EHBP1: variants seen among roughly 807,000 people sequenced by gnomAD.
The protein encoded by EHBP1 is EH domain binding protein 1.
Under a neutral mutation model 144.0 loss-of-function variants are expected in EHBP1, and 55 were observed. The observed-to-expected ratio is 0.38, with a 90% CI of 0.31 to 0.48. EHBP1 has a LOEUF of 0.48. EHBP1 is among the 20% of genes least tolerant of loss of function. EHBP1 has a pLI of 0.98. For missense variants in EHBP1, 1,200 were observed against 1,364.2 expected (o/e 0.88, Z 1.90); for synonymous variants, 469 against 472.7 (o/e 0.99, Z 0.10).
intron 19 of EHBP1, among the ~76,000 whole-genome samples, chr2:63,004,237 T>C (rs1000541078): frequency 6.6e-6 from 1 of 151,994 alleles, no homozygotes; most frequent in Non-Finnish European, 1.5e-5. Flanking sequence ...TTGGTAACAG[T>C]TCAGTTCACA....
chr2:62,765,560 A>T (rs2041112801), intron 4 of EHBP1, among the ~76,000 whole-genome samples: 1 of 152,168 alleles, frequency 6.6e-6, no homozygotes, highest in Non-Finnish European at 1.5e-5. Context: ...ACAGCAACAT[A>T]GCTTAAACAC....
chr2:62,940,216 G>A (rs2056662259), intron 10 of EHBP1: 1 of 320,904 alleles, frequency 3.1e-6, no homozygotes, highest in Non-Finnish European at 6.2e-6. Context: ...GTCCTTCTGA[G>A]ATTGTTAAAT....
At chr2:62,821,973 T>C (rs758299447) in intron 5 of EHBP1, among the ~76,000 whole-genome samples, 1 of 152,202 alleles carries the variant, frequency 6.6e-6, no homozygotes, top group Non-Finnish European at 1.5e-5. Context: ...ATCCTTTGTG[T>C]TACAAACAAT....
intron 19 of EHBP1, among the ~76,000 whole-genome samples, chr2:63,003,032 AC>A (rs2059908968): frequency 6.6e-6 from 1 of 152,034 alleles, no homozygotes; most frequent in Admixed American, 6.6e-5. Flanking sequence ...TATTATAATT[AC>A]GAATTTGGTC....
chr2:62,756,598 C>T (rs1382423844), intron 3 of EHBP1, among the ~76,000 whole-genome samples: 1 of 151,954 alleles, frequency 6.6e-6, no homozygotes, highest in Admixed American at 6.6e-5. Flanking sequence ...GGTGAAACCT[C>T]ATCTCTACTA....
chr2:62,763,409 T>A (rs1006174257), intron 3 of EHBP1, among the ~76,000 whole-genome samples: 2 of 152,206 alleles, frequency 1.3e-5, no homozygotes, highest in African/African-American at 4.8e-5. Context: ...AATGAATGAA[T>A]AATAGAAGAA....
chr2:62,875,508 CAAAGATTAAAGG>C (rs2050820809), intron 10 of EHBP1, among the ~76,000 whole-genome samples: 2 of 152,180 alleles, frequency 1.3e-5, no homozygotes, highest in Admixed American at 6.5e-5. Context: ...ACAGCAGCTT[CAAAGATTAAAGG>C]AACATCAGCC....
chr2:62,984,637 A>G (rs1473446149), intron 15 of EHBP1, among the ~76,000 whole-genome samples: 4 of 152,248 alleles, frequency 2.6e-5, no homozygotes, highest in Non-Finnish European at 2.9e-5. Flanking sequence ...ACTGTTCAGA[A>G]GAATTCGAAG....
intron 4 of EHBP1, among the ~76,000 whole-genome samples, chr2:62,766,367 GAAGA>G (rs1273364322): frequency 6.6e-6 from 1 of 152,086 alleles, no homozygotes; most frequent in Non-Finnish European, 1.5e-5. Context: ...AATAGAAATA[GAAGA>G]TCATTAGTAG....
chr2:63,012,049 G>A (rs150497340), intron 19 of EHBP1, among the ~76,000 whole-genome samples: 52 of 151,828 alleles, frequency 3.4e-4, no homozygotes, highest in African/African-American at 1.1e-3. Flanking sequence ...TGTTGTTACC[G>A]TTGTTGTTTT....
At chr2:62,847,234 A>G (rs2048356008) in intron 7 of EHBP1, among the ~76,000 whole-genome samples, 1 of 152,226 alleles carries the variant, frequency 6.6e-6, no homozygotes, top group Non-Finnish European at 1.5e-5. Context: ...TCAATAAATG[A>G]TGCTGAACAA....
rs572790250 is a variant in EHBP1, at chr2:62,737,729, T to G, written c.105-9666T>G. Among the ~76,000 whole-genome samples, 26 of 152,276 alleles carry G rather than the reference T, an allele frequency of 1.7e-4. No individual in the cohort carries two copies. The South Asian group carries it at 5.0e-3, about 29-fold the overall frequency. On this transcript the variant is annotated intron_variant, in intron 2 of 22. Coordinates refer to ENST00000431489, the MANE Select transcript of EHBP1 (RefSeq NM_001142616.3). ...GTATGAGGGTTCCAGTTTCATCATATCCTTGTCAGCCCTTGTTATTGTCTG... is the reference window on the plus strand; with the variant it reads ...GTATGAGGGTTCCAGTTTCATCATAGCCTTGTCAGCCCTTGTTATTGTCTG...
chr2:62,750,252 A>AT (rs1558602775), intron 3 of EHBP1, among the ~76,000 whole-genome samples: 1 of 152,086 alleles, frequency 6.6e-6, no homozygotes, highest in African/African-American at 2.4e-5. Context: ...TCCTTTCCCC[A>AT]TTTCTTGTTT....
rs999748462 is a variant in EHBP1 at position 62,794,473 on chromosome 2, A to G, written c.312+23081A>G. 1.1e-3 allele frequency among the ~76,000 whole-genome samples: 169 copies of G among 152,152 alleles called. 1 individual carries two copies. Among genetic ancestry groups the G allele is most frequent in the African/African-American group, 3.8e-3 (159 of 41,560 alleles). ...ATTAAGTAAACTTTTCTTCAAACTG[A>G]ATATTGTTTTTAATCATTGTACATG... On this transcript the variant is annotated intron_variant, in intron 5 of 22. Transcript: ENST00000431489.
chr2:62,746,767 A>C (rs1478144292), intron 2 of EHBP1, among the ~76,000 whole-genome samples: 1 of 152,080 alleles, frequency 6.6e-6, no homozygotes, highest in African/African-American at 2.4e-5. Flanking sequence ...GATAGAGAAG[A>C]GAAATCTGAG....
In EHBP1 at chr2:62,774,820, G is replaced by C. The variant is rs551736046; in HGVS notation, c.312+3428G>C. On this transcript the variant is annotated intron_variant, in intron 5 of 22. Transcript: ENST00000431489. ...TGATCGTGACACTGCACTCCAGCCT[G>C]GATGACTAAGTGAAACCCTGTCTCA... Among the ~76,000 whole-genome samples the C allele has an allele frequency of 2.0e-4, 31 of 152,216 alleles. No homozygotes were observed. The South Asian group carries it at 6.0e-3, about 30-fold the overall frequency.
intron 10 of EHBP1, among the ~76,000 whole-genome samples, chr2:62,904,574 G>A (rs573453111): frequency 6.6e-6 from 1 of 152,284 alleles, no homozygotes; most frequent in East Asian, 1.9e-4. Context: ...CAGAACCCCT[G>A]AGGATTATCA....
rs1553479000 is a variant in EHBP1, at chr2:62,935,344, A to AAAATATATATATAT, written c.1186-7373_1186-7372insAATATATATATATA. Among the ~76,000 whole-genome samples the AAAATATATATATAT allele has an allele frequency of 3.3e-5, 4 of 121,482 alleles. No homozygotes were observed. In the East Asian group the frequency reaches 9.0e-4, roughly 27 times the overall value. 79.7% of individuals were successfully genotyped at this position (121,482 alleles called of 152,430 possible). A position where few individuals can be genotyped will look rare whatever the true frequency, so the allele number is the denominator to read the frequency against. ...ACTCCATCTCAAAAAAAAAAAAAAA[A>AAAATATATATATAT]ATATATATATATATATATATATCCA... On this transcript the variant is annotated intron_variant, in intron 10 of 22. Coordinates refer to ENST00000431489, the MANE Select transcript of EHBP1 (RefSeq NM_001142616.3).
Position 62,705,965 on chromosome 2 carries a change from GGCGGCGGCGGCTGCTGCT to G in EHBP1, c.-373_-356del. On this transcript the variant is annotated 5_prime_UTR_variant, in exon 1 of 23. Transcript: ENST00000431489. ...CTCCGGCGGGGATGGAGGACTCGGTGGCGGCGGCGGCTGCTGCTGCGGCGGCGACGGAGGAGCGGCTAT... is the reference window on the plus strand; with the variant it reads ...CTCCGGCGGGGATGGAGGACTCGGTGGCGGCGGCGACGGAGGAGCGGCTAT... 1 of 170,714 alleles carries G rather than the reference GGCGGCGGCGGCTGCTGCT, an allele frequency of 5.9e-6. No homozygotes were observed. Among genetic ancestry groups the G allele is most frequent in the Non-Finnish European group, 1.2e-5 (1 of 80,354 alleles). 10.6% of individuals were successfully genotyped at this position (170,714 alleles called of 1,614,324 possible). A position where few individuals can be genotyped will look rare whatever the true frequency, so the allele number is the denominator to read the frequency against.
Sources: gnomAD v4.1 joint callset for allele counts (sites outside exome capture counted in the v4.1 genomes callset) on GRCh38, gnomAD v4.1.1 for gene constraint, MANE v1.5 for transcripts, NCBI Gene and HGNC (gene_info 2026-07-23, HGNC 2026-07-21) for gene names.